TENM3: variants seen among roughly 807,000 people sequenced by gnomAD.
The protein encoded by TENM3 is teneurin-3.
In TENM3, 63 loss-of-function variants were observed where a neutral mutation model predicts 255.1. The ratio of observed to expected loss-of-function variants is 0.25; its 90% confidence interval spans 0.20 to 0.30. The LOEUF (loss-of-function observed/expected upper bound fraction) is 0.30. Ranked by LOEUF, TENM3 falls within the 10% of genes least tolerant of loss-of-function variation. The pLI is 1.00. For missense variants in TENM3, 2,929 were observed against 3,461.1 expected (o/e 0.85, Z 3.86); for synonymous variants, 1,306 against 1,322.3 (o/e 0.99, Z 0.27).
the TENM3 span, among the ~76,000 whole-genome samples, chr4:181,758,998 T>C: frequency 6.6e-6 from 1 of 152,208 alleles, no homozygotes; most frequent in Admixed American, 6.5e-5. Context: ...TTAAGTGTTT[T>C]ATTTTCATTC....
chr4:182,534,423 A>G (rs1740082635), intron 3 of TENM3, among the ~76,000 whole-genome samples: 1 of 152,192 alleles, frequency 6.6e-6, no homozygotes, highest in Non-Finnish European at 1.5e-5. Flanking sequence ...TTCATGTGCA[A>G]AGCAGAAAGC....
chr4:182,377,810 C>T (rs1032180102), intron 3 of TENM3, among the ~76,000 whole-genome samples: 3 of 152,138 alleles, frequency 2.0e-5, no homozygotes, highest in Admixed American at 1.3e-4. Context: ...GATGCTAGCA[C>T]GTTATCCTAG....
At chr4:182,671,499 A>G (rs1755209511) in intron 6 of TENM3, among the ~76,000 whole-genome samples, 2 of 152,164 alleles carry the variant, frequency 1.3e-5, no homozygotes, top group African/African-American at 4.8e-5. Context: ...TCCAGCCTGC[A>G]GTGATAGTGC....
chr4:181,823,741 A>C, the TENM3 span, among the ~76,000 whole-genome samples: 1 of 152,186 alleles, frequency 6.6e-6, no homozygotes. Context: ...TAAGTATTGA[A>C]AATCTGGAAA....
At chr4:181,763,298 TAGTC>T in the TENM3 span, among the ~76,000 whole-genome samples, 12 of 152,266 alleles carry the variant, frequency 7.9e-5, 1 homozygote, top group East Asian at 2.1e-3. Context: ...GTTATCTTCT[TAGTC>T]ATCATCATCA....
At chr4:181,810,357 C>T in the TENM3 span, among the ~76,000 whole-genome samples, 4 of 152,134 alleles carry the variant, frequency 2.6e-5, no homozygotes, top group African/African-American at 9.7e-5. Context: ...CTGGAACCAG[C>T]AAATTATCTG....
At chr4:181,744,691 G>A in the TENM3 span, among the ~76,000 whole-genome samples, 1 of 152,192 alleles carries the variant, frequency 6.6e-6, no homozygotes, top group South Asian at 2.1e-4. Context: ...AATGGTAGAG[G>A]AAGAACTGGT....
chr4:182,177,958 G>GTTTTTTTTTTTTTTTT (rs56256529), intron 1 of TENM3, among the ~76,000 whole-genome samples: 2 of 117,130 alleles, frequency 1.7e-5, no homozygotes, highest in Non-Finnish European at 3.6e-5. Flanking sequence ...TTTGGTTTTT[G>GTTTTTTTTTTTTTTTT]TTTTTTTTTT....
chr4:182,674,965 C>T (rs772943186), intron 7 of TENM3, among the ~76,000 whole-genome samples: 3 of 152,080 alleles, frequency 2.0e-5, no homozygotes, highest in Non-Finnish European at 4.4e-5. Context: ...CAACCTCCGC[C>T]TCCCGGGTTC....
the TENM3 span, among the ~76,000 whole-genome samples, chr4:181,519,480 A>ATGT: frequency 6.6e-6 from 1 of 152,190 alleles, no homozygotes; most frequent in African/African-American, 2.4e-5. Context: ...CAGAAGAAAA[A>ATGT]TGTTTTATTC....
At chr4:181,601,206 T>G in the TENM3 span, among the ~76,000 whole-genome samples, 354 of 152,332 alleles carry the variant, frequency 2.3e-3, no homozygotes, top group African/African-American at 7.9e-3. Flanking sequence ...CTCCCAGTTC[T>G]GAAGGCCAGC....
the TENM3 span, among the ~76,000 whole-genome samples, chr4:181,865,684 T>TC: frequency 6.6e-6 from 1 of 152,194 alleles, no homozygotes; most frequent in Admixed American, 6.5e-5. Context: ...ACCGTTTTTT[T>TC]CCACTCTGTC....
At chr4:181,448,338 A>AT in the TENM3 span, among the ~76,000 whole-genome samples, 3 of 146,292 alleles carry the variant, frequency 2.1e-5, no homozygotes, top group East Asian at 4.3e-4. Context: ...CGCCCGGCTA[A>AT]TTTTTTGTAT....
At chr4:182,616,593 GAT>G (rs1749558133) in intron 4 of TENM3, among the ~76,000 whole-genome samples, 1 of 65,336 alleles carries the variant, frequency 1.5e-5, no homozygotes, top group Non-Finnish European at 3.8e-5. Context: ...AAAAAAAAAA[GAT>G]AGGTAACTGC....
chr4:182,105,363 T>C, the TENM3 span, among the ~76,000 whole-genome samples: 9 of 152,138 alleles, frequency 5.9e-5, no homozygotes, highest in Admixed American at 5.9e-4. Context: ...TGCAAAGAGT[T>C]TGAGCCAACT....
the TENM3 span, among the ~76,000 whole-genome samples, chr4:181,561,788 C>G: frequency 6.6e-6 from 1 of 152,092 alleles, no homozygotes; most frequent in Non-Finnish European, 1.5e-5. Context: ...CAGATAAATC[C>G]CTTAAAATAT....
At chr4:182,147,143 TG>T (rs1328678757) in intron 1 of TENM3, among the ~76,000 whole-genome samples, 2 of 152,238 alleles carry the variant, frequency 1.3e-5, no homozygotes, top group Admixed American at 1.3e-4. Flanking sequence ...GCTTTGCTTC[TG>T]GGAGCCAAGA....
the TENM3 span, among the ~76,000 whole-genome samples, chr4:181,775,818 T>C: frequency 1.2e-3 from 187 of 152,194 alleles, no homozygotes; most frequent in Non-Finnish European, 7.2e-4. Flanking sequence ...TACATATTTA[T>C]GGGGGTACAT....
At chr4:182,662,632 A>T (rs551970871) in intron 6 of TENM3, among the ~76,000 whole-genome samples, 1 of 152,202 alleles carries the variant, frequency 6.6e-6, no homozygotes, top group Non-Finnish European at 1.5e-5. Flanking sequence ...GTAAGGGAGG[A>T]TAGAGAGCCC....
Sources: allele counts gnomAD v4.1 joint callset (sites outside exome capture counted in the v4.1 genomes callset), GRCh38; gene constraint gnomAD v4.1.1; transcripts MANE v1.5; gene names NCBI Gene and HGNC (gene_info 2026-07-23, HGNC 2026-07-21).